Variants in VEGFD observed in about 807,000 individuals in gnomAD.
The protein encoded by VEGFD is c-fos induced growth factor (vascular endothelial growth factor D).
VEGFD carries 26 observed loss-of-function variants against 28.0 expected under a neutral mutation model. That is an observed-to-expected ratio of 0.93 (90% CI 0.68 to 1.29). The LOEUF is 1.29. VEGFD is among the 50% of genes most tolerant of loss of function. The pLI, the probability that VEGFD is intolerant of heterozygous loss-of-function variation, is 0.00. For synonymous variants in VEGFD, 93 were observed against 95.5 expected (o/e 0.97, Z 0.15); for missense variants, 294 against 273.4 (o/e 1.08, Z -0.53).
chrX:15,347,504 C>G, intron 5 of VEGFD, 145 bp from the exon 6 acceptor site: 1 of 404,112 alleles, frequency 2.5e-6, no homozygotes, highest in East Asian at 4.1e-5. Flanking sequence ...AATTTTTTCA[C>G]AGGGTGAGGA....
At chrX:15,380,903 G>A (rs1408509376) in intron 1 of VEGFD, among the ~76,000 whole-genome samples, 1 of 112,576 alleles carries the variant, frequency 8.9e-6, no homozygotes, top group African/African-American at 3.2e-5. Flanking sequence ...GACTGTCTGA[G>A]CTGTATTAAA....
intron 4 of VEGFD, 124 bp from the exon 5 acceptor site, chrX:15,353,292 T>C (rs1326292961): frequency 3.4e-6 from 1 of 293,006 alleles, no homozygotes; most frequent in Non-Finnish European, 6.1e-6. Flanking sequence ...TTGCTTTTTA[T>C]ACTCAGTTTG....
intron 1 of VEGFD, among the ~76,000 whole-genome samples, chrX:15,373,172 T>C (rs914639790): frequency 8.9e-6 from 1 of 112,361 alleles, no homozygotes; most frequent in African/African-American, 3.2e-5. Context: ...AAAGAAGATA[T>C]GAGAATATAA....
chrX:15,376,829 T>A lies in VEGFD; in HGVS notation c.90+7028A>T, dbSNP rs1376192546. Reference sequence around the variant, plus strand: ...TTTTGTGAGTTTCTTATTTAGGGTGTTTTTTTTAGCATATTCATTCAATCA... The same window carrying A: ...TTTTGTGAGTTTCTTATTTAGGGTGATTTTTTTAGCATATTCATTCAATCA... On this transcript the variant is annotated intron_variant, in intron 1 of 6. Transcript: ENST00000297904. Among the ~76,000 whole-genome samples, 4 of 111,397 alleles carry A rather than the reference T, an allele frequency of 3.6e-5. No individual in the cohort carries two copies. The East Asian group carries it at 8.4e-4, about 24-fold the overall frequency.
At chrX:15,371,634 A>G (rs1278264543) in intron 1 of VEGFD, among the ~76,000 whole-genome samples, 1 of 112,023 alleles carries the variant, frequency 8.9e-6, no homozygotes, top group Non-Finnish European at 1.9e-5. Flanking sequence ...ATAAAATTGG[A>G]AAGGACAGAA....
intron 1 of VEGFD, among the ~76,000 whole-genome samples, chrX:15,377,162 T>C (rs1923458613): frequency 8.9e-6 from 1 of 112,527 alleles, no homozygotes; most frequent in Non-Finnish European, 1.9e-5. Context: ...TTAAGACATC[T>C]TTATTTTATA....
In VEGFD at chrX:15,355,153, T is replaced by C. The variant is rs753760403; in HGVS notation, c.638A>G (p.Asp213Gly). Reference sequence around the variant, plus strand: ...AAAAAAAAACAAAAGTGCTTACCGATCTTCTTCAGGGATCTGGATGGATCT... The same window carrying C: ...AAAAAAAAACAAAAGTGCTTACCGACCTTCTTCAGGGATCTGGATGGATCT... ...IRRSIQIPEE[D>G]RCSHSKKLCP... The change falls in exon 4 of 7, where the codon GAT becomes GGT. Residue 213 changes from aspartate to glycine, a missense_variant. Coordinates refer to ENST00000297904, the MANE Select transcript of VEGFD (RefSeq NM_004469.5). 1.7e-6 allele frequency: 2 copies of C among 1,160,722 alleles called. No homozygotes were observed. The highest frequency in any genetic ancestry group is 5.6e-5 in the Admixed American group (2 of 35,861).
rs936091470 is a variant in VEGFD at position 15,345,898 on chromosome X, T to C, written c.*235A>G. ...CAAAAACAAAACTAAACAAAAGGAT[T>C]ACATGGGTCCCCTCCTCTCCATTCC... is the stretch of plus-strand genomic sequence containing the variant. On this transcript the variant is annotated 3_prime_UTR_variant, in exon 7 of 7. Transcript: ENST00000297904. 1 of 365,921 alleles carries C rather than the reference T, an allele frequency of 2.7e-6. No individual in the cohort carries two copies. Among genetic ancestry groups the C allele is most frequent in the African/African-American group, 2.6e-5 (1 of 39,018 alleles). 30.2% of individuals were successfully genotyped at this position (365,921 alleles called of 1,213,427 possible).
At chrX:15,355,074 A>G (rs1451248664) in intron 4 of VEGFD, 76 bp downstream of exon 4, 1 of 929,175 alleles carries the variant, frequency 1.1e-6, no homozygotes, top group East Asian at 3.5e-5. Context: ...ACATTAATGA[A>G]AAATCCTCTA....
At position 15,355,170 on chromosome X, in the gene VEGFD, G is replaced by A. The variant is rs751641701; in HGVS notation, c.621C>T (p.Ile207=). The A allele has an allele frequency of 8.4e-7, 1 of 1,196,995 alleles. No homozygotes were observed. The highest frequency in any genetic ancestry group is 1.1e-6 in the Non-Finnish European group (1 of 890,655). ...CTTACCGATCTTCTTCAGGGATCTG[G>A]ATGGATCTTCTGATAATTGAGTATG... is the stretch of plus-strand genomic sequence containing the variant. ...RHPYSIIRRS[I]QIPEEDRCSH... The change falls in exon 4 of 7, where the codon ATC becomes ATT. Residue 207 remains isoleucine, a synonymous_variant. Transcript: ENST00000297904.
At chrX:15,365,033 A>G (rs920467035) in intron 1 of VEGFD, among the ~76,000 whole-genome samples, 1 of 112,401 alleles carries the variant, frequency 8.9e-6, no homozygotes, top group Non-Finnish European at 1.9e-5. Flanking sequence ...AAAATTACTT[A>G]TGTATTTTTA....
chrX:15,363,688 T>C (rs973263569), intron 1 of VEGFD, among the ~76,000 whole-genome samples: 1 of 112,249 alleles, frequency 8.9e-6, no homozygotes, highest in Non-Finnish European at 1.9e-5. Flanking sequence ...GATCTTAAAA[T>C]GAGATCCTCC....
At chrX:15,373,161 G>C (rs771569750) in intron 1 of VEGFD, among the ~76,000 whole-genome samples, 1 of 112,255 alleles carries the variant, frequency 8.9e-6, no homozygotes, top group South Asian at 3.7e-4. Context: ...AAAGGTATTT[G>C]AAAGAAGATA....
At chrX:15,366,163 C>T (rs755021303) in intron 1 of VEGFD, among the ~76,000 whole-genome samples, 4 of 110,588 alleles carry the variant, frequency 3.6e-5, no homozygotes, top group Admixed American at 1.9e-4. Context: ...CCCACCACCA[C>T]GCCCGGCTAA....
intron 2 of VEGFD, among the ~76,000 whole-genome samples, chrX:15,359,045 GTTTA>G (rs1464856158): frequency 9.0e-6 from 1 of 111,447 alleles, no homozygotes; most frequent in African/African-American, 3.3e-5. Context: ...GAACTGTAGA[GTTTA>G]TTTATTATGT....
intron 1 of VEGFD, among the ~76,000 whole-genome samples, chrX:15,373,461 G>C (rs750706066): frequency 3.6e-5 from 4 of 112,238 alleles, no homozygotes; most frequent in Non-Finnish European, 7.5e-5. Context: ...GCTTTAAAAA[G>C]CTGTTGGTGC....
intron 5 of VEGFD, among the ~76,000 whole-genome samples, chrX:15,349,067 G>C (rs1193147088): frequency 2.7e-5 from 3 of 112,712 alleles, no homozygotes; most frequent in Non-Finnish European, 5.6e-5. Context: ...GTGCTGGAAG[G>C]CTAAATCTGA....
intron 1 of VEGFD, among the ~76,000 whole-genome samples, chrX:15,371,127 G>A (rs1368015790): frequency 9.0e-6 from 1 of 111,703 alleles, no homozygotes; most frequent in Non-Finnish European, 1.9e-5. Flanking sequence ...CCAGGTGATG[G>A]CAATACTGTT....
chrX:15,365,398 G>A (rs1923121682), intron 1 of VEGFD, among the ~76,000 whole-genome samples: 1 of 112,161 alleles, frequency 8.9e-6, no homozygotes. Context: ...CGCCCAAAGT[G>A]TTGTGATTAC....
Sources: allele counts gnomAD v4.1 joint callset (sites outside exome capture counted in the v4.1 genomes callset), GRCh38; gene constraint gnomAD v4.1.1; transcripts MANE v1.5; gene names NCBI Gene and HGNC (gene_info 2026-07-23, HGNC 2026-07-21).